IGFALS: variants seen among roughly 807,000 people sequenced by gnomAD.
IGFALS encodes the protein insulin like growth factor binding protein acid labile subunit.
A neutral mutation model predicts 2.6 loss-of-function variants in IGFALS; 2 were observed. The ratio of observed to expected loss-of-function variants is 0.77; its 90% CI spans 0.32 to 2.44. The LOEUF is 2.44. Among genes scored for constraint, IGFALS ranks in the 30% most tolerant of loss-of-function variants. The pLI is 0.11. For missense variants in IGFALS, 996 were observed against 848.7 expected, an observed-to-expected ratio of 1.17 and a Z score of -2.16; for synonymous variants, 519 against 431.9, an observed-to-expected ratio of 1.20 and a Z score of -2.50.
chr16:1,791,690 C>CG lies in IGFALS; in HGVS notation c.727dup (p.Arg243ProfsTer89), dbSNP rs920164399. The stretch of plus-strand genomic sequence containing the variant: ...GCGGTCCAGGTAGAGTTTCTGGAGC[C>CG]GGGGCAGCTGCACGAACACGTTTGC... On this transcript the variant is annotated frameshift_variant, in exon 2 of 2. Transcript: ENST00000215539. LOFTEE classifies it low-confidence loss of function (END_TRUNC). 1.9e-6 allele frequency: 3 copies of CG among 1,577,710 alleles called. No individual in the cohort carries two copies. Among genetic ancestry groups the CG allele is most frequent in the African/African-American group, 2.7e-5 (2 of 74,160 alleles).
At chr16:1,793,708 C>T (rs767834945), upstream of IGFALS, 32 of 1,531,644 alleles carry the variant, frequency 2.1e-5, no homozygotes, top group East Asian at 7.2e-5. Context: ...TCTGCTGTGC[C>T]GGCCACCCCT....
Position 1,793,701 on chromosome 16 carries a change from G to A in IGFALS, c.-49C>T. On this transcript the variant is annotated 5_prime_UTR_variant, in exon 1 of 2. Coordinates refer to ENST00000215539, the MANE Select transcript of IGFALS (RefSeq NM_004970.3). ...GCAGGCAGCGAGGGAGGGTACGTCT[G>A]CTGTGCCGGCCACCCCTGCCCTCTG... 1 of 1,551,244 alleles carries A rather than the reference G, an allele frequency of 6.4e-7. No individual in the cohort carries two copies. The highest frequency in any genetic ancestry group is 8.7e-7 in the Non-Finnish European group (1 of 1,143,938).
At position 1,791,921 on chromosome 16, in the gene IGFALS, A is replaced by G. The variant is rs1335814059; in HGVS notation, c.497T>C (p.Phe166Ser). 1.3e-6 allele frequency: 2 copies of G among 1,581,904 alleles called. No homozygotes were observed. The change falls in exon 2 of 2, where the codon TTC becomes TCC. Residue 166 changes from phenylalanine (F) to serine (S), a missense_variant. By Grantham distance (155) the Phe-to-Ser change is radical. Transcript: ENST00000215539. Reference protein sequence around the residue: ...NRLSRLEDGLFEGLGSLWDLN... With the variant: ...NRLSRLEDGLSEGLGSLWDLN... Reference sequence around the variant, plus strand: ...GTCCCAGAGGCTGCCGAGGCCCTCGAAGAGCCCGTCCTCCAGCCTGCTCAG... The same window carrying G: ...GTCCCAGAGGCTGCCGAGGCCCTCGGAGAGCCCGTCCTCCAGCCTGCTCAG...
chr16:1,793,421 G>T (rs1471713959), intron 1 of IGFALS, among the ~76,000 whole-genome samples: 2 of 152,086 alleles, frequency 1.3e-5, no homozygotes, highest in Admixed American at 6.5e-5. Flanking sequence ...TAGGGTGGAG[G>T]ACGGGACAGA....
At chr16:1,793,734 C>T (rs1271048990), upstream of IGFALS, 7 of 1,428,574 alleles carry the variant, frequency 4.9e-6, no homozygotes, top group East Asian at 2.5e-5. Flanking sequence ...CTGGATTTCC[C>T]CACTGCGGGG....
Position 1,790,957 on chromosome 16 carries a change from C to A in IGFALS, c.1461G>T (p.Leu487=), listed in dbSNP as rs113804102. 1,542 of 1,596,636 alleles carry A rather than the reference C, an allele frequency of 9.7e-4. 14 individuals are homozygous for A. The African/African-American group carries it at 0.018, about 19-fold the overall frequency. ...ALGPLQRAFW[L]DVSHNRLEAL... is the part of the protein sequence containing the mutation. ...CCTCCAGGCGGTTGTGCGAGACGTC[C>A]AGCCAGAAGGCCCGCTGCAGGGGGC... is the stretch of plus-strand genomic sequence containing the variant. The change falls in exon 2 of 2, where the codon CTG becomes CTT. Residue 487 remains leucine, a synonymous_variant. Coordinates refer to ENST00000215539, the MANE Select transcript of IGFALS (RefSeq NM_004970.3).
chr16:1,791,555 C>G lies in IGFALS; in HGVS notation c.863G>C (p.Gly288Ala), dbSNP rs1206283341. 6.4e-7 allele frequency: 1 copy of G among 1,572,124 alleles called. No homozygotes were observed. The highest frequency in any genetic ancestry group is 1.4e-5 in the African/African-American group (1 of 73,782). ...VAGLLEDTFP[G>A]LLGLRVLRLS... The stretch of plus-strand genomic sequence containing the variant: ...CCGCAGCACACGCAGGCCCAGCAGA[C>G]CGGGGAACGTGTCCTCCAGGAGGCC... The change falls in exon 2 of 2, where the codon GGT (glycine) becomes GCT (alanine). Residue 288 changes from glycine to alanine, a missense_variant. Physicochemically the swap from Gly to Ala is moderately conservative, Grantham distance 60. Coordinates refer to ENST00000215539, the MANE Select transcript of IGFALS (RefSeq NM_004970.3).
In IGFALS at chr16:1,791,176, TCGG is replaced by T; in HGVS notation, c.1239_1241del (p.Arg414del). The T allele has an allele frequency of 1.2e-6, 2 of 1,606,244 alleles. No homozygotes were observed. Among genetic ancestry groups the T allele is most frequent in the South Asian group, 1.1e-5 (1 of 91,032 alleles). On this transcript the variant is annotated inframe_deletion, in exon 2 of 2. Coordinates refer to ENST00000215539, the MANE Select transcript of IGFALS (RefSeq NM_004970.3). Reference sequence around the variant, plus strand: ...CGAGGCCGTTGTCCTTGAGGAAGAGTCGGCGGAGCCCCGAGAGGCCGGTGAAGG... The same window carrying T: ...CGAGGCCGTTGTCCTTGAGGAAGAGTCGGAGCCCCGAGAGGCCGGTGAAGG...
At position 1,791,760 on chromosome 16, in the gene IGFALS, G is replaced by C. The variant is rs749788639; in HGVS notation, c.658C>G (p.Leu220Val). The C allele has an allele frequency of 1.5e-5, 23 of 1,549,470 alleles. No homozygotes were observed. Among genetic ancestry groups the C allele is most frequent in the African/African-American group, 2.7e-5 (2 of 73,322 alleles). ...TTCCTGCTCAGGTCCAGCTCCCGGA[G>C]CTCGGCCAGGCCGCTGAAGAGCGCG... Reference protein sequence around the residue: ...QPALFSGLAELRELDLSRNAL... With the variant: ...QPALFSGLAEVRELDLSRNAL... The change falls in exon 2 of 2, where the codon CTC (leucine) becomes GTC (valine). Residue 220 changes from leucine (L) to valine (V), a missense_variant. Coordinates refer to ENST00000215539, the MANE Select transcript of IGFALS (RefSeq NM_004970.3).
At position 1,791,694 on chromosome 16, in the gene IGFALS, G is replaced by A. The variant is rs1318885947; in HGVS notation, c.724C>T (p.Pro242Ser). The A allele has an allele frequency of 1.3e-6, 2 of 1,575,350 alleles. No individual in the cohort carries two copies. Among genetic ancestry groups the A allele is most frequent in the Non-Finnish European group, 1.7e-6 (2 of 1,165,074 alleles). ...TCCAGGTAGAGTTTCTGGAGCCGGG[G>A]CAGCTGCACGAACACGTTTGCCTTG... ...AIKANVFVQL[P>S]RLQKLYLDRN... The change falls in exon 2 of 2, where the codon CCC becomes TCC. Residue 242 changes from proline (P) to serine (S), a missense_variant. Physicochemically the swap from Pro to Ser is moderately conservative, Grantham distance 74 (BLOSUM62 -1). Transcript: ENST00000215539.
chr16:1,792,149 G>A lies in IGFALS; in HGVS notation c.269C>T (p.Pro90Leu). The change falls in exon 2 of 2, where the codon CCC becomes CTC. Residue 90 changes from proline (P) to leucine (L), a missense_variant. By Grantham distance (98) the Pro-to-Leu change is moderately conservative (BLOSUM62 -3). Transcript: ENST00000215539. Reference sequence around the variant, plus strand: ...GGAGAGGTTCTGGAAGGCTGCCGGGGGGACGGACGAGAGGTTGTTGCCGTC... The same window carrying A: ...GGAGAGGTTCTGGAAGGCTGCCGGGAGGACGGACGAGAGGTTGTTGCCGTC... The part of the protein sequence containing the change: ...WLDGNNLSSV[P>L]PAAFQNLSSL... 5 of 1,611,606 alleles carry A rather than the reference G, an allele frequency of 3.1e-6. No individual in the cohort carries two copies. Among genetic ancestry groups the A allele is most frequent in the Non-Finnish European group, 4.2e-6 (5 of 1,179,714 alleles).
chr16:1,791,610 A>T lies in IGFALS; in HGVS notation c.808T>A (p.Trp270Arg). ...ACGCGGTTGTGGGACAGGTCCAGCC[A>T]TCGCAGCGCCTTCAGGCCCAGGAAG... ...GAFLGLKALR[W>R]LDLSHNRVAG... The change falls in exon 2 of 2, where the codon TGG becomes AGG. Residue 270 changes from tryptophan to arginine, a missense_variant. Physicochemically the swap from Trp to Arg is moderately radical, Grantham distance 101. Transcript: ENST00000215539. 5 of 1,566,284 alleles carry T rather than the reference A, an allele frequency of 3.2e-6. No homozygotes were observed. The highest frequency in any genetic ancestry group is 3.5e-6 in the Non-Finnish European group (4 of 1,157,388).
At position 1,791,064 on chromosome 16, in the gene IGFALS, G is replaced by T; in HGVS notation, c.1354C>A (p.Arg452Ser). ...AGCTTGCCCAGGCCCTGGAAGAGGC[G>T]GTGGGGCAGGTGCGTGAGCTGGTTG... Reference protein sequence around the residue: ...TSNQLTHLPHRLFQGLGKLEY... With the variant: ...TSNQLTHLPHSLFQGLGKLEY... Residue 452 changes from arginine (R) to serine (S), a missense_variant, in exon 2 of 2, where the codon CGC becomes AGC. Arg to Ser is a moderately radical substitution (Grantham distance 110). Coordinates refer to ENST00000215539, the MANE Select transcript of IGFALS (RefSeq NM_004970.3). The T allele has an allele frequency of 6.3e-7, 1 of 1,598,830 alleles. No individual in the cohort carries two copies. Among genetic ancestry groups the T allele is most frequent in the Non-Finnish European group, 8.5e-7 (1 of 1,179,796 alleles).
Position 1,791,789 on chromosome 16 carries a change from TGCAGGTA to T in IGFALS, c.622_628del (p.Tyr208SerfsTer16). Reference sequence around the variant, plus strand: ...GGCCAGGCCGCTGAAGAGCGCGGGCTGCAGGTAGGCCAGCCTGTTGCCCGCCAGCACC... The same window carrying T: ...GGCCAGGCCGCTGAAGAGCGCGGGCTGGCCAGCCTGTTGCCCGCCAGCACC... On this transcript the variant is annotated frameshift_variant, in exon 2 of 2. Transcript: ENST00000215539. LOFTEE classifies it low-confidence loss of function (END_TRUNC). 6.5e-7 allele frequency: 1 copy of T among 1,548,940 alleles called. No individual in the cohort carries two copies. Among genetic ancestry groups the T allele is most frequent in the Non-Finnish European group, 8.7e-7 (1 of 1,150,188 alleles).
Position 1,792,099 on chromosome 16 carries a change from C to G in IGFALS, c.319G>C (p.Gly107Arg). 6.8e-6 allele frequency: 11 copies of G among 1,610,674 alleles called. No homozygotes were observed. The highest frequency in any genetic ancestry group is 9.3e-6 in the Non-Finnish European group (11 of 1,179,384). The change falls in exon 2 of 2, where the codon GGC (glycine) becomes CGC (arginine). Residue 107 changes from glycine (G) to arginine (R), a missense_variant. Gly to Arg is a moderately radical substitution (Grantham distance 125, BLOSUM62 -2). Transcript: ENST00000215539. ...LSSLGFLNLQ[G>R]GQLGSLEPQA... ...GGCTCCAGGCTGCCCAGCTGGCCGCCCTGCAGGTTGAGGAAGCCCAGGCTG... is the reference window on the plus strand; with the variant it reads ...GGCTCCAGGCTGCCCAGCTGGCCGCGCTGCAGGTTGAGGAAGCCCAGGCTG...
rs907269602 is a variant in IGFALS at position 1,792,090 on chromosome 16, G to C, written c.328C>G (p.Leu110Val). 21 of 1,610,060 alleles carry C rather than the reference G, an allele frequency of 1.3e-5. No homozygotes were observed. Among genetic ancestry groups the C allele is most frequent in the Non-Finnish European group, 1.7e-5 (20 of 1,179,222 alleles). The change falls in exon 2 of 2, where the codon CTG (leucine) becomes GTG (valine). Residue 110 changes from leucine (L) to valine (V), a missense_variant. Leu to Val is a conservative substitution (Grantham distance 32). Transcript: ENST00000215539. ...LGFLNLQGGQ[L>V]GSLEPQALLG... Reference sequence around the variant, plus strand: ...AGCGCCTGTGGCTCCAGGCTGCCCAGCTGGCCGCCCTGCAGGTTGAGGAAG... The same window carrying C: ...AGCGCCTGTGGCTCCAGGCTGCCCACCTGGCCGCCCTGCAGGTTGAGGAAG...
chr16:1,793,881 C>T (rs1196448312), upstream of IGFALS: 1 of 423,818 alleles, frequency 2.4e-6, no homozygotes, highest in African/African-American at 2.1e-5. Context: ...CAGTCGGGGC[C>T]CGAGGTAGCC....
At position 1,790,576 on chromosome 16, in the gene IGFALS, C is replaced by T. The variant is rs1391911812; in HGVS notation, c.*24G>A. The stretch of plus-strand genomic sequence containing the variant: ...GGTGAGCCAGGTGGGGGCCTGAGTC[C>T]GGGGCTTGAGTCCGGGGACCTGGTC... On this transcript the variant is annotated 3_prime_UTR_variant, in exon 2 of 2. Transcript: ENST00000215539. 9 of 1,548,084 alleles carry T rather than the reference C, an allele frequency of 5.8e-6. No individual in the cohort carries two copies. The highest frequency in any genetic ancestry group is 2.4e-5 in the South Asian group (2 of 84,280).
Position 1,791,109 on chromosome 16 carries a change from G to C in IGFALS, c.1309C>G (p.Leu437Val), listed in dbSNP as rs933154166. 3 of 1,601,518 alleles carry C rather than the reference G, an allele frequency of 1.9e-6. No homozygotes were observed. The highest frequency in any genetic ancestry group is 2.5e-6 in the Non-Finnish European group (3 of 1,179,584). The change falls in exon 2 of 2, where the codon CTG (leucine) becomes GTG (valine). Residue 437 changes from leucine (L) to valine (V), a missense_variant. Transcript: ENST00000215539. ...EQSLWGLAELLELDLTSNQLT... is the reference protein window; with the variant it reads ...EQSLWGLAELVELDLTSNQLT... ...TGGTTGGAGGTCAGGTCGAGCTCCA[G>C]CAGCTCCGCCAGCCCCCACAGGCTC...
Sources: allele counts gnomAD v4.1 joint callset (sites outside exome capture counted in the v4.1 genomes callset), GRCh38; gene constraint gnomAD v4.1.1; transcripts MANE v1.5; gene names NCBI Gene and HGNC (gene_info 2026-07-23, HGNC 2026-07-21).